The following C8orf34 variants were observed in gnomAD, a reference collection of about 807,000 sequenced individuals.
C8orf34 encodes chromosome 8 open reading frame 34.
C8orf34 carries 65 observed loss-of-function variants against 68.3 expected under a neutral mutation model. The ratio of observed to expected loss-of-function variants is 0.95; its 90% CI spans 0.78 to 1.17. C8orf34 has a LOEUF of 1.17. Among genes scored for constraint, C8orf34 ranks in the 50% most tolerant of loss-of-function variants. The probability of loss-of-function intolerance (pLI) is 0.00; values close to 1 mark genes in which losing one functional copy is unlikely to be tolerated. For missense variants in C8orf34, 664 were observed against 655.4 expected, an observed-to-expected ratio of 1.01 and a Z score of -0.14; for synonymous variants, 244 against 241.2, an observed-to-expected ratio of 1.01 and a Z score of -0.11.
In C8orf34 at chr8:68,349,331, G is replaced by T. The variant is rs1248853282; in HGVS notation, c.327+17992G>T. On this transcript the variant is annotated intron_variant, in intron 1 of 13. Transcript: ENST00000518698. ...TGCATCCTAGGGATGAAGCCTACTT[G>T]ATCATGGTGGATTAGACTTTGATGT... Among the ~76,000 whole-genome samples, 9 of 152,194 alleles carry T rather than the reference G, an allele frequency of 5.9e-5. No individual in the cohort carries two copies. The South Asian group carries it at 1.7e-3, about 28-fold the overall frequency.
intron 3 of C8orf34, among the ~76,000 whole-genome samples, chr8:68,457,015 T>G (rs1811583014): frequency 1.3e-5 from 2 of 152,230 alleles, no homozygotes; most frequent in Non-Finnish European, 2.9e-5. Flanking sequence ...TGATCCTTTA[T>G]AACCATTTCA....
intron 3 of C8orf34, among the ~76,000 whole-genome samples, chr8:68,461,948 T>A (rs577526909): frequency 2.6e-5 from 4 of 152,146 alleles, no homozygotes; most frequent in Non-Finnish European, 5.9e-5. Context: ...CAATATTACC[T>A]TTAAATGTAA....
chr8:68,719,652 C>T (rs952740961), intron 9 of C8orf34, among the ~76,000 whole-genome samples: 3 of 151,638 alleles, frequency 2.0e-5, no homozygotes, highest in African/African-American at 7.3e-5. Context: ...AGCAGAATGA[C>T]ATCTATTAAA....
intron 8 of C8orf34, among the ~76,000 whole-genome samples, chr8:68,690,381 A>G (rs1289817799): frequency 6.6e-6 from 1 of 152,080 alleles, no homozygotes; most frequent in Non-Finnish European, 1.5e-5. Flanking sequence ...TAAGTTTGAC[A>G]TATGTCTTAG....
At chr8:68,714,850 C>T (rs1294791434) in intron 9 of C8orf34, among the ~76,000 whole-genome samples, 1 of 152,092 alleles carries the variant, frequency 6.6e-6, no homozygotes, top group Non-Finnish European at 1.5e-5. Flanking sequence ...AATCTGGAGG[C>T]ATCACATTAC....
chr8:68,712,598 G>T (rs567232583), intron 9 of C8orf34, among the ~76,000 whole-genome samples: 1 of 152,198 alleles, frequency 6.6e-6, no homozygotes, highest in South Asian at 2.1e-4. Context: ...AAACAAAGTG[G>T]AACATTATAT....
intron 1 of C8orf34, among the ~76,000 whole-genome samples, chr8:68,391,774 C>A (rs1381780893): frequency 6.6e-6 from 1 of 152,138 alleles, no homozygotes; most frequent in African/African-American, 2.4e-5. Context: ...ATGTGGCCAG[C>A]CACCACAGCA....
intron 7 of C8orf34, among the ~76,000 whole-genome samples, chr8:68,632,351 C>G (rs2130702095): frequency 6.6e-6 from 1 of 152,248 alleles, no homozygotes; most frequent in Non-Finnish European, 1.5e-5. Context: ...GCAAAGCATT[C>G]AAGAAGTGAC....
chr8:68,480,015 ATTTACTAT>A (rs1474325611), intron 4 of C8orf34, among the ~76,000 whole-genome samples: 2 of 152,218 alleles, frequency 1.3e-5, no homozygotes, highest in African/African-American at 4.8e-5. Context: ...TATCTAGAAT[ATTTACTAT>A]TTAGCCCGTA....
At chr8:68,349,397 T>A (rs1806414633) in intron 1 of C8orf34, among the ~76,000 whole-genome samples, 1 of 152,074 alleles carries the variant, frequency 6.6e-6, no homozygotes, top group African/African-American at 2.4e-5. Context: ...TGAGAATTTT[T>A]GCACTGATAT....
chr8:68,519,735 G>T (rs1040303453), intron 5 of C8orf34, among the ~76,000 whole-genome samples: 1 of 151,966 alleles, frequency 6.6e-6, no homozygotes, highest in African/African-American at 2.4e-5. Flanking sequence ...CCTGGGGGTG[G>T]GGGGGAAGAA....
chr8:68,770,787 G>A (rs1057153083), intron 10 of C8orf34, among the ~76,000 whole-genome samples: 1 of 152,004 alleles, frequency 6.6e-6, no homozygotes, highest in Non-Finnish European at 1.5e-5. Flanking sequence ...TTAAATTTTA[G>A]TCATTAGTCA....
At chr8:68,650,097 G>A (rs1450231016) in intron 8 of C8orf34, among the ~76,000 whole-genome samples, 1 of 151,954 alleles carries the variant, frequency 6.6e-6, no homozygotes, top group Non-Finnish European at 1.5e-5. Flanking sequence ...CTGTGAAACA[G>A]TCATAAGGGT....
chr8:68,608,409 G>A (rs1347038626), intron 7 of C8orf34, among the ~76,000 whole-genome samples: 1 of 151,976 alleles, frequency 6.6e-6, no homozygotes, highest in Non-Finnish European at 1.5e-5. Flanking sequence ...GGGTTAAAGA[G>A]CCTTGAATTT....
intron 7 of C8orf34, among the ~76,000 whole-genome samples, chr8:68,566,845 G>A (rs1816605503): frequency 6.6e-6 from 1 of 152,182 alleles, no homozygotes; most frequent in Admixed American, 6.5e-5. Flanking sequence ...ATAAAGGGAT[G>A]CTGGATTTTG....
intron 12 of C8orf34, among the ~76,000 whole-genome samples, chr8:68,797,542 T>TAA (rs5892156): frequency 0.11 from 16,510 of 147,900 alleles, 944 homozygotes; most frequent in African/African-American, 0.13. Context: ...TTTTCACCTT[T>TAA]AAAAAAAAAA....
At position 68,727,459 on chromosome 8, in the gene C8orf34, G is replaced by A. The variant is rs576785780; in HGVS notation, c.1404+6022G>A. Reference sequence around the variant, plus strand: ...AGCTGTCAGTGGATCTACCATGCTCGGATCTGGAGGACCGTGGCCCTCTTC... The same window carrying A: ...AGCTGTCAGTGGATCTACCATGCTCAGATCTGGAGGACCGTGGCCCTCTTC... On this transcript the variant is annotated intron_variant, in intron 10 of 13. Transcript: ENST00000518698. Among the ~76,000 whole-genome samples the A allele has an allele frequency of 1.2e-4, 19 of 152,246 alleles. No individual in the cohort carries two copies. In the East Asian group the frequency reaches 1.9e-3, roughly 16 times the overall value.
At chr8:68,705,519 G>A (rs1011454507) in intron 8 of C8orf34, among the ~76,000 whole-genome samples, 3 of 152,078 alleles carry the variant, frequency 2.0e-5, no homozygotes, top group African/African-American at 7.2e-5. Flanking sequence ...CATTGTGCAA[G>A]GCAATTAGGA....
intron 8 of C8orf34, among the ~76,000 whole-genome samples, chr8:68,684,465 A>G (rs1476795327): frequency 6.6e-6 from 1 of 152,186 alleles, no homozygotes; most frequent in Non-Finnish European, 1.5e-5. Flanking sequence ...TGTAGAGTAC[A>G]AAGTACTGCA....
Sources: gnomAD v4.1 joint callset for allele counts (sites outside exome capture counted in the v4.1 genomes callset) on GRCh38, gnomAD v4.1.1 for gene constraint, MANE v1.5 for transcripts, NCBI Gene and HGNC (gene_info 2026-07-23, HGNC 2026-07-21) for gene names.